CLIC2: variants seen among roughly 807,000 people sequenced by gnomAD.
CLIC2 encodes chloride intracellular channel protein 2.
CLIC2 carries 9 observed loss-of-function variants against 14.8 expected under a neutral mutation model. The ratio of observed to expected loss-of-function variants is 0.61; its 90% CI spans 0.37 to 1.06. The LOEUF (loss-of-function observed/expected upper bound fraction) is 1.06. Among genes scored for constraint, CLIC2 ranks in the 50% least tolerant of loss-of-function variants. The pLI, the probability that CLIC2 is intolerant of heterozygous loss-of-function variation, is 0.01. For synonymous variants in CLIC2, 61 were observed against 66.3 expected (o/e 0.92, Z 0.39); for missense variants, 148 against 181.4 (o/e 0.82, Z 1.06).
intron 3 of CLIC2, among the ~76,000 whole-genome samples, chrX:155,294,433 T>C (rs1165114516): frequency 9.0e-5 from 10 of 111,596 alleles, no homozygotes; most frequent in African/African-American, 3.2e-4. Context: ...TAGCAATAAA[T>C]GCCTACATGA....
chrX:155,311,406 CAA>C (rs1205486026), intron 1 of CLIC2, among the ~76,000 whole-genome samples: 7 of 111,727 alleles, frequency 6.3e-5, no homozygotes, highest in African/African-American at 2.3e-4. Context: ...TAAAACATAA[CAA>C]GTGTCACCTT....
intron 3 of CLIC2, chrX:155,292,552 C>T (rs782121832): frequency 3.7e-5 from 16 of 433,416 alleles, no homozygotes; most frequent in African/African-American, 1.0e-4. Flanking sequence ...GGGCAGATCA[C>T]GAGGTCAGGA....
rs191438123 is a variant in CLIC2, at chrX:155,291,985, C to G, written c.293+6800G>C. On this transcript the variant is annotated intron_variant, in intron 3 of 5. Transcript: ENST00000369449. ...ACCCAGCCACCCCCGGAGCGCAGTC[C>G]TCGAAGGATGAAATTGAAGATAATT... Among the ~76,000 whole-genome samples, 49 of 112,184 alleles carry G rather than the reference C, an allele frequency of 4.4e-4. No homozygotes were observed. The East Asian group carries it at 0.012, about 28-fold the overall frequency.
intron 1 of CLIC2, among the ~76,000 whole-genome samples, chrX:155,307,454 A>G (rs782131453): frequency 1.5e-4 from 17 of 111,995 alleles, no homozygotes; most frequent in Non-Finnish European, 3.2e-4. Flanking sequence ...GAAAAATTCA[A>G]TAAGCTGGGA....
chrX:155,286,979 C>A (rs1557317143), intron 3 of CLIC2, among the ~76,000 whole-genome samples: 1 of 112,288 alleles, frequency 8.9e-6, no homozygotes, highest in Non-Finnish European at 1.9e-5. Context: ...TAATTAAATC[C>A]CATTTGTCAA....
chrX:155,292,889 A>G, intron 3 of CLIC2: 2 of 988,226 alleles, frequency 2.0e-6, no homozygotes, highest in Non-Finnish European at 2.9e-6. Flanking sequence ...CACGTTATCC[A>G]GGTGCCTCAA....
intron 1 of CLIC2, among the ~76,000 whole-genome samples, chrX:155,333,451 A>T (rs1602967231): frequency 9.0e-6 from 1 of 111,067 alleles, no homozygotes; most frequent in South Asian, 3.8e-4. Flanking sequence ...CTAAGTTGTT[A>T]GGACTAAATT....
At chrX:155,320,725 C>T (rs1272170473) in intron 1 of CLIC2, among the ~76,000 whole-genome samples, 2 of 111,568 alleles carry the variant, frequency 1.8e-5, no homozygotes. Flanking sequence ...GACAAACTGA[C>T]AGAAGTAGGC....
chrX:155,295,692 A>G (rs1464125578), intron 3 of CLIC2, among the ~76,000 whole-genome samples: 1 of 111,561 alleles, frequency 9.0e-6, no homozygotes, highest in Non-Finnish European at 1.9e-5. Context: ...AAACATCAAC[A>G]CTAAAAAATA....
At chrX:155,321,694 A>G (rs187181695) in intron 1 of CLIC2, among the ~76,000 whole-genome samples, 31 of 106,648 alleles carry the variant, frequency 2.9e-4, no homozygotes, top group African/African-American at 1.0e-3. Context: ...TGACAGGATC[A>G]AATTCACACA....
Position 155,279,347 on chromosome X carries a change from A to ACTCTATTACTTCAT in CLIC2, c.401-18_401-17insATGAAGTAATAGAG. ...TTTCAAAATCTGAGGCAATGAAGTAATAGAGTTACTTGTAAATGTATTGTC... is the reference window on the plus strand; with the variant it reads ...TTTCAAAATCTGAGGCAATGAAGTAACTCTATTACTTCATTAGAGTTACTTGTAAATGTATTGTC... On this transcript the variant is annotated splice_polypyrimidine_tract_variant and intron_variant, in intron 4 of 5. Transcript: ENST00000369449. 1 of 1,150,111 alleles carries ACTCTATTACTTCAT rather than the reference A, an allele frequency of 8.7e-7. No individual in the cohort carries two copies. The highest frequency in any genetic ancestry group is 1.2e-6 in the Non-Finnish European group (1 of 839,588). 94.8% of individuals were successfully genotyped at this position (1,150,111 alleles called of 1,213,427 possible). A position where few individuals can be genotyped will look rare whatever the true frequency, so the allele number is the denominator to read the frequency against.
chrX:155,291,437 G>T, intron 3 of CLIC2: 9 of 468,504 alleles, frequency 1.9e-5, no homozygotes, highest in Non-Finnish European at 3.1e-5. Context: ...GGGTTTTCTA[G>T]ATATGGAATC....
chrX:155,298,484 A>G (rs1303081539), intron 3 of CLIC2, among the ~76,000 whole-genome samples: 2 of 111,807 alleles, frequency 1.8e-5, no homozygotes, highest in Non-Finnish European at 3.8e-5. Flanking sequence ...TGAATTACAT[A>G]GTGTTAGTAT....
chrX:155,297,658 C>A (rs1417073862), intron 3 of CLIC2, among the ~76,000 whole-genome samples: 1 of 95,201 alleles, frequency 1.1e-5, no homozygotes, highest in African/African-American at 3.8e-5. Context: ...CTGGCTAACA[C>A]GGTGAAACCT....
At chrX:155,290,548 G>C (rs2074960725) in intron 3 of CLIC2, 3 of 581,731 alleles carry the variant, frequency 5.2e-6, no homozygotes, top group Non-Finnish European at 9.3e-6. Flanking sequence ...ATTTCTAGCA[G>C]AGGGCTCTTG....
chrX:155,310,321 C>T, intron 1 of CLIC2: 1 of 176,798 alleles, frequency 5.7e-6, no homozygotes, highest in Middle Eastern at 2.2e-3. Flanking sequence ...GTATATAGTG[C>T]CAGGTCAGGA....
intron 1 of CLIC2, among the ~76,000 whole-genome samples, chrX:155,305,079 A>C (rs1257299429): frequency 3.6e-5 from 4 of 112,373 alleles, no homozygotes; most frequent in East Asian, 2.8e-4. Context: ...AGAGGCAGGC[A>C]GACCTCTTTG....
chrX:155,322,723 T>C (rs1256861826), intron 1 of CLIC2, among the ~76,000 whole-genome samples: 1 of 110,749 alleles, frequency 9.0e-6, no homozygotes, highest in Non-Finnish European at 1.9e-5. Context: ...GTGAAGGAGA[T>C]AGAGACACGA....
chrX:155,280,990 G>GAGATATAT (rs1557316382), intron 3 of CLIC2, among the ~76,000 whole-genome samples: 3 of 89,886 alleles, frequency 3.3e-5, no homozygotes, highest in Non-Finnish European at 6.5e-5. Context: ...GAAATTGTGA[G>GAGATATAT]ATATATATAT....
Sources: gnomAD v4.1 joint callset for allele counts (sites outside exome capture counted in the v4.1 genomes callset) on GRCh38, gnomAD v4.1.1 for gene constraint, MANE v1.5 for transcripts, NCBI Gene and HGNC (gene_info 2026-07-23, HGNC 2026-07-21) for gene names.